CPAP: variants seen among roughly 807,000 people sequenced by gnomAD.
CPAP encodes the protein centrosome assembly and centriole elongation protein.
At chr13:24,921,650 C>T in the CPAP span, among the ~76,000 whole-genome samples, 22 of 151,596 alleles carry the variant, frequency 1.5e-4, no homozygotes, top group East Asian at 2.5e-3. Flanking sequence ...AAATCAACCA[C>T]GTAACTTTGC....
the CPAP span, chr13:24,892,929 G>C: frequency 8.7e-7 from 1 of 1,143,878 alleles, no homozygotes; most frequent in South Asian, 1.3e-5. Flanking sequence ...TAAAACAATA[G>C]AAGAATAGAG....
the CPAP span, chr13:24,909,793 T>C: frequency 1.9e-6 from 3 of 1,610,896 alleles, no homozygotes; most frequent in South Asian, 2.2e-5. Context: ...AGCTCACCTG[T>C]AGGATGGTTA....
the CPAP span, among the ~76,000 whole-genome samples, chr13:24,909,281 C>T: frequency 6.6e-6 from 1 of 152,188 alleles, no homozygotes; most frequent in Non-Finnish European, 1.5e-5. Flanking sequence ...AATCCCAGTA[C>T]TTTGGGAGGC....
the CPAP span, chr13:24,884,080 T>C: frequency 6.3e-7 from 1 of 1,586,276 alleles, no homozygotes; most frequent in East Asian, 2.3e-5. Flanking sequence ...TGGGTAATGT[T>C]TTTCTGTTTA....
At chr13:24,887,969 C>T in the CPAP span, among the ~76,000 whole-genome samples, 23 of 152,306 alleles carry the variant, frequency 1.5e-4, no homozygotes, top group South Asian at 4.6e-3. Context: ...AGAAAAGCCA[C>T]GGGCTCCACA....
At chr13:24,916,897 T>C in the CPAP span, among the ~76,000 whole-genome samples, 5 of 152,212 alleles carry the variant, frequency 3.3e-5, no homozygotes, top group Admixed American at 3.3e-4. Flanking sequence ...ATCCAAGATA[T>C]GTTGCTAGTT....
At chr13:24,906,636 GACTTTTCCTGTTACT>G in the CPAP span, 7 of 1,614,130 alleles carry the variant, frequency 4.3e-6, no homozygotes, top group Non-Finnish European at 5.9e-6. Context: ...GACGGAGAAA[GACTTTTCCTGTTACT>G]ACACTTCAGC....
chr13:24,903,621 T>TA, the CPAP span, among the ~76,000 whole-genome samples: 1 of 152,220 alleles, frequency 6.6e-6, no homozygotes, highest in East Asian at 1.9e-4. Flanking sequence ...GGTACTTTGT[T>TA]ACAGCAGCCC....
At chr13:24,913,650 T>A in the CPAP span, among the ~76,000 whole-genome samples, 12 of 152,240 alleles carry the variant, frequency 7.9e-5, no homozygotes, top group Non-Finnish European at 1.3e-4. Flanking sequence ...ATCACTCTTC[T>A]AGCACTCATC....
At chr13:24,905,768 T>G in the CPAP span, 2 of 1,614,036 alleles carry the variant, frequency 1.2e-6, no homozygotes, top group Non-Finnish European at 1.7e-6. Context: ...ATCAGACAAA[T>G]CCAGATCAAC....
chr13:24,882,874 GT>G, the CPAP span: 68,749 of 359,940 alleles, frequency 0.19, 7,206 homozygotes, highest in South Asian at 0.31. Flanking sequence ...GTACTTCTTG[GT>G]TTTTTTTTAT....
the CPAP span, chr13:24,909,914 A>T: frequency 1.2e-6 from 2 of 1,614,218 alleles, no homozygotes; most frequent in South Asian, 2.2e-5. Flanking sequence ...CTCCATGAGC[A>T]GTTCTACAGA....
At chr13:24,889,094 G>A in the CPAP span, 15 of 541,372 alleles carry the variant, frequency 2.8e-5, no homozygotes, top group East Asian at 6.5e-5. Context: ...ATTTATGAAC[G>A]CAACAAGGTA....
At chr13:24,889,190 T>C in the CPAP span, 1 of 757,870 alleles carries the variant, frequency 1.3e-6, no homozygotes, top group African/African-American at 1.8e-5. Flanking sequence ...TTCAATTACA[T>C]TTATTAATTC....
chr13:24,883,380 TA>T, the CPAP span: 38 of 1,563,702 alleles, frequency 2.4e-5, no homozygotes, highest in South Asian at 3.6e-5. Flanking sequence ...CTGTAAAATT[TA>T]AAAAAAATAT....
At chr13:24,902,534 T>G in the CPAP span, among the ~76,000 whole-genome samples, 1 of 152,236 alleles carries the variant, frequency 6.6e-6, no homozygotes, top group African/African-American at 2.4e-5. Context: ...TAACCGAATT[T>G]CCTTTTTAAG....
chr13:24,900,457 T>C, the CPAP span, among the ~76,000 whole-genome samples: 2 of 152,196 alleles, frequency 1.3e-5, no homozygotes, highest in Non-Finnish European at 2.9e-5. Context: ...GAGACCAGCC[T>C]GACCAACATG....
chr13:24,925,844 T>C, the CPAP span: 1 of 152,678 alleles, frequency 6.5e-6, no homozygotes, highest in African/African-American at 2.4e-5. Flanking sequence ...GCTTGTTTAC[T>C]TACATTGACC....
chr13:24,883,077 T>A, the CPAP span: 1 of 1,067,042 alleles, frequency 9.4e-7, no homozygotes, highest in Admixed American at 1.8e-5. Flanking sequence ...TCTAATCTTT[T>A]CCCCACACAT....
Sources: gnomAD v4.1 joint callset for allele counts (sites outside exome capture counted in the v4.1 genomes callset) on GRCh38, gnomAD v4.1.1 for gene constraint, MANE v1.5 for transcripts, NCBI Gene and HGNC (gene_info 2026-07-23, HGNC 2026-07-21) for gene names.